MDFIC2: variants seen among roughly 807,000 people sequenced by gnomAD.
The protein encoded by MDFIC2 is MyoD family inhibitor domain containing 2.
At chr3:70,247,372 A>C (rs1701717142) in intron 2 of MDFIC2, among the ~76,000 whole-genome samples, 1 of 151,980 alleles carries the variant, frequency 6.6e-6, no homozygotes, top group Non-Finnish European at 1.5e-5. Flanking sequence ...ATGCGGAGAG[A>C]GTTAGTGAAT....
chr3:70,269,395 C>T lies in MDFIC2; in HGVS notation c.88+42491G>A, dbSNP rs144093271. ...TAGACACCCTGTAACCTACTTAGGT[C>T]TCAATCCCTGAGTTTTGGCCAATCA... is the stretch of plus-strand genomic sequence containing the variant. On this transcript the variant is annotated intron_variant, in intron 2 of 3. Coordinates refer to ENST00000567252, the MANE Select transcript of MDFIC2 (RefSeq NM_001364677.1). Among the ~76,000 whole-genome samples the T allele has an allele frequency of 6.1e-3, 923 of 152,296 alleles. 40 individuals are homozygous for T. Among genetic ancestry groups the T allele is most frequent in the Admixed American group, 0.056 (849 of 15,292 alleles).
At chr3:70,281,709 C>A (rs1188125634) in intron 2 of MDFIC2, among the ~76,000 whole-genome samples, 1 of 152,142 alleles carries the variant, frequency 6.6e-6, no homozygotes, top group Non-Finnish European at 1.5e-5. Flanking sequence ...TGCCCCACCT[C>A]AAGTGAACTC....
At chr3:70,302,923 A>T (rs1473607310) in intron 2 of MDFIC2, among the ~76,000 whole-genome samples, 1 of 152,184 alleles carries the variant, frequency 6.6e-6, no homozygotes, top group Non-Finnish European at 1.5e-5. Flanking sequence ...TTTAACCATC[A>T]GCAGTAGGAT....
intron 2 of MDFIC2, among the ~76,000 whole-genome samples, chr3:70,232,345 C>T (rs1362499731): frequency 1.3e-5 from 2 of 151,918 alleles, no homozygotes; most frequent in African/African-American, 2.4e-5. Flanking sequence ...GCACATGTGT[C>T]GAATGCCCAC....
intron 3 of MDFIC2, among the ~76,000 whole-genome samples, chr3:70,200,259 C>G (rs1467740366): frequency 6.6e-6 from 1 of 152,172 alleles, no homozygotes; most frequent in Non-Finnish European, 1.5e-5. Context: ...TTCATCAGCT[C>G]CTTCAGTATT....
intron 2 of MDFIC2, among the ~76,000 whole-genome samples, chr3:70,231,892 T>C (rs1210373274): frequency 6.6e-6 from 1 of 152,214 alleles, no homozygotes; most frequent in Non-Finnish European, 1.5e-5. Context: ...TGTGTGCATG[T>C]GTGTCTGTTT....
chr3:70,237,011 C>T (rs779223722), intron 2 of MDFIC2, among the ~76,000 whole-genome samples: 3 of 152,200 alleles, frequency 2.0e-5, no homozygotes, highest in Non-Finnish European at 4.4e-5. Flanking sequence ...GTCAAGGCAA[C>T]ATCTCCACTT....
chr3:70,282,005 T>C (rs1240586889), intron 2 of MDFIC2, among the ~76,000 whole-genome samples: 1 of 152,268 alleles, frequency 6.6e-6, no homozygotes, highest in East Asian at 1.9e-4. Flanking sequence ...GACAGACACA[T>C]TACCAGAACA....
chr3:70,230,223 T>C (rs1477565804), intron 2 of MDFIC2, among the ~76,000 whole-genome samples: 1 of 152,184 alleles, frequency 6.6e-6, no homozygotes, highest in Non-Finnish European at 1.5e-5. Context: ...ATAATTTACA[T>C]TGGACAGTGA....
At chr3:70,223,275 C>T (rs535936102) in intron 2 of MDFIC2, among the ~76,000 whole-genome samples, 1 of 152,216 alleles carries the variant, frequency 6.6e-6, no homozygotes, top group Admixed American at 6.5e-5. Flanking sequence ...AGTTATTTAG[C>T]CAAGGTCACA....
chr3:70,290,260 G>C (rs1238274264), intron 2 of MDFIC2, among the ~76,000 whole-genome samples: 2 of 152,172 alleles, frequency 1.3e-5, no homozygotes, highest in Non-Finnish European at 2.9e-5. Context: ...CTTTCTGTTT[G>C]TTAGTTTTCC....
At chr3:70,225,761 T>G (rs1270346092) in intron 2 of MDFIC2, among the ~76,000 whole-genome samples, 1 of 152,180 alleles carries the variant, frequency 6.6e-6, no homozygotes, top group African/African-American at 2.4e-5. Flanking sequence ...ACACTTAAGA[T>G]TTATGTCTTT....
intron 3 of MDFIC2, among the ~76,000 whole-genome samples, chr3:70,201,802 G>C (rs1228141439): frequency 6.6e-6 from 1 of 152,118 alleles, no homozygotes; most frequent in African/African-American, 2.4e-5. Flanking sequence ...GCCCTCCTCT[G>C]TGCTGGATTC....
At chr3:70,302,920 A>T (rs926288682) in intron 2 of MDFIC2, among the ~76,000 whole-genome samples, 3 of 152,160 alleles carry the variant, frequency 2.0e-5, no homozygotes, top group Non-Finnish European at 4.4e-5. Flanking sequence ...AATTTTAACC[A>T]TCAGCAGTAG....
intron 1 of MDFIC2, among the ~76,000 whole-genome samples, 181 bp from the exon 2 acceptor site, chr3:70,312,154 A>G (rs1489361379): frequency 6.6e-6 from 1 of 152,214 alleles, no homozygotes; most frequent in African/African-American, 2.4e-5. Context: ...TAAAACATTG[A>G]CATTGAAAAC....
chr3:70,251,762 C>T (rs1701771175), intron 2 of MDFIC2, among the ~76,000 whole-genome samples: 1 of 152,174 alleles, frequency 6.6e-6, no homozygotes, highest in Non-Finnish European at 1.5e-5. Flanking sequence ...GATGAGGAAC[C>T]TGTAGAACGG....
At chr3:70,235,442 C>T (rs987478560) in intron 2 of MDFIC2, among the ~76,000 whole-genome samples, 6 of 152,190 alleles carry the variant, frequency 3.9e-5, no homozygotes, top group African/African-American at 1.2e-4. Flanking sequence ...CCTTTCAAAG[C>T]TCATGTGATA....
In MDFIC2 at chr3:70,217,620, GA is replaced by G. The variant is rs369038777; in HGVS notation, c.89-10831del. 4.3e-3 allele frequency among the ~76,000 whole-genome samples: 649 copies of G among 152,260 alleles called. 5 individuals are homozygous for G. Among genetic ancestry groups the G allele is most frequent in the African/African-American group, 0.014 (599 of 41,558 alleles). On this transcript the variant is annotated intron_variant, in intron 2 of 3. Transcript: ENST00000567252. The stretch of plus-strand genomic sequence containing the variant: ...AAACAGTTTTTCACTGTAAGAGGTA[GA>G]AGGTGTTTTCATATCCACCACCTTT...
intron 3 of MDFIC2, among the ~76,000 whole-genome samples, chr3:70,197,813 GTTGT>G (rs1701196665): frequency 6.6e-6 from 1 of 152,106 alleles, no homozygotes; most frequent in South Asian, 2.1e-4. Context: ...TTATATTCAA[GTTGT>G]TTAAGTGAAA....
Sources: gnomAD v4.1 joint callset for allele counts (sites outside exome capture counted in the v4.1 genomes callset) on GRCh38, gnomAD v4.1.1 for gene constraint, MANE v1.5 for transcripts, NCBI Gene and HGNC (gene_info 2026-07-23, HGNC 2026-07-21) for gene names.